BRWD3: variants seen among roughly 807,000 people sequenced by gnomAD.
BRWD3 encodes bromodomain and WD repeat-containing protein 3.
BRWD3 carries 10 observed loss-of-function variants against 149.7 expected under a neutral mutation model. The ratio of observed to expected loss-of-function variants is 0.07; its 90% CI spans 0.04 to 0.11. The LOEUF (loss-of-function observed/expected upper bound fraction) is 0.11, where lower values mean the gene tolerates loss of function less well. BRWD3 is among the 10% of genes least tolerant of loss of function. The pLI, the probability that BRWD3 is intolerant of heterozygous loss-of-function variation, is 1.00. For synonymous variants in BRWD3, 504 were observed against 456.7 expected (o/e 1.10, Z -1.32); for missense variants, 940 against 1,373.2 (o/e 0.68, Z 4.99).
chrX:80,804,790 C>G (rs1469911713), intron 4 of BRWD3, among the ~76,000 whole-genome samples: 1 of 111,681 alleles, frequency 9.0e-6, no homozygotes, highest in Non-Finnish European at 1.9e-5. Context: ...AATTATCTAC[C>G]TTAAGATGAA....
In BRWD3 at chrX:80,676,967, C is replaced by G; in HGVS notation, c.5051G>C (p.Arg1684Thr). 1 of 1,204,329 alleles carries G rather than the reference C, an allele frequency of 8.3e-7. No homozygotes were observed. Among genetic ancestry groups the G allele is most frequent in the Non-Finnish European group, 1.1e-6 (1 of 889,015 alleles). Reference sequence around the variant, plus strand: ...CCTGCCTCCTCTTCCTCTGCCTCCTCTACTCCATCTACCCCATCTTCCCCA... The same window carrying G: ...CCTGCCTCCTCTTCCTCTGCCTCCTGTACTCCATCTACCCCATCTTCCCCA... The part of the protein sequence containing the change: ...GRWGRWGRWS[R>T]GGRGRGGRGR... Residue 1684 changes from arginine to threonine, a missense_variant, in exon 41 of 41, where the codon AGA becomes ACA. Physicochemically the swap from Arg to Thr is moderately conservative, Grantham distance 71 (BLOSUM62 -1). Coordinates refer to ENST00000373275, the MANE Select transcript of BRWD3 (RefSeq NM_153252.5).
chrX:80,716,058 A>C, intron 20 of BRWD3, 99 bp downstream of exon 20: 3 of 668,916 alleles, frequency 4.5e-6, no homozygotes, highest in Non-Finnish European at 7.2e-6. Flanking sequence ...GATACCTATT[A>C]AAATAGTCTC....
intron 6 of BRWD3, among the ~76,000 whole-genome samples, chrX:80,778,272 A>G (rs1199551672): frequency 8.9e-6 from 1 of 111,918 alleles, no homozygotes; most frequent in East Asian, 2.8e-4. Context: ...TTACCAAAAT[A>G]ATGTTCAAAT....
At chrX:80,703,681 G>A in intron 23 of BRWD3, 88 bp from the exon 24 acceptor site, 1 of 633,497 alleles carries the variant, frequency 1.6e-6, no homozygotes, top group Non-Finnish European at 2.4e-6. Context: ...AAAATAGTAG[G>A]TAGAGAAGAT....
intron 23 of BRWD3, among the ~76,000 whole-genome samples, chrX:80,704,456 A>G (rs1410764150): frequency 8.9e-6 from 1 of 112,215 alleles, no homozygotes; most frequent in Non-Finnish European, 1.9e-5. Flanking sequence ...ATGATTGTGA[A>G]TATGTTTGAA....
At chrX:80,735,853 G>A in intron 9 of BRWD3, 135 bp downstream of exon 9, 3 of 354,342 alleles carry the variant, frequency 8.5e-6, no homozygotes, top group Non-Finnish European at 9.9e-6. Flanking sequence ...ACCTATTGAA[G>A]TAGGTATGGA....
Position 80,800,992 on chromosome X carries a change from G to A in BRWD3, c.181-7220C>T, listed in dbSNP as rs968391983. On this transcript the variant is annotated intron_variant, in intron 4 of 40. Transcript: ENST00000373275. ...TGAAAAGCACTATAACCTGAGGGCA[G>A]ATGAAATTAAGACAAGGACAGGGGA... Among the ~76,000 whole-genome samples, 6 of 110,293 alleles carry A rather than the reference G, an allele frequency of 5.4e-5. No homozygotes were observed. In the East Asian group the frequency reaches 1.4e-3, roughly 26 times the overall value.
At chrX:80,733,556 T>A in intron 11 of BRWD3, 60 bp from the exon 12 acceptor site, 1 of 933,360 alleles carries the variant, frequency 1.1e-6, no homozygotes, top group Non-Finnish European at 1.5e-6. Flanking sequence ...AATTAAGTGC[T>A]CTTTCTCTCA....
At chrX:80,796,420 T>C (rs1314450744) in intron 4 of BRWD3, among the ~76,000 whole-genome samples, 1 of 111,575 alleles carries the variant, frequency 9.0e-6, no homozygotes, top group Non-Finnish European at 1.9e-5. Context: ...TGAGCCACCG[T>C]GCCCAACCTA....
chrX:80,754,159 T>A (rs1399677031), intron 6 of BRWD3, among the ~76,000 whole-genome samples: 3 of 112,294 alleles, frequency 2.7e-5, no homozygotes, highest in Non-Finnish European at 3.8e-5. Context: ...GCACAGGCTA[T>A]TTTTCTACTT....
chrX:80,691,012 A>C lies in BRWD3; in HGVS notation c.3602+41T>G, dbSNP rs772532209. The stretch of plus-strand genomic sequence containing the variant: ...CTCAAAAAGGAAAGCAAAAGCCATA[A>C]AGCTATAAATTTTATAATAAGTGAT... On this transcript the variant is annotated intron_variant, in intron 31 of 40. Coordinates refer to ENST00000373275, the MANE Select transcript of BRWD3 (RefSeq NM_153252.5). 2.4e-5 allele frequency: 28 copies of C among 1,186,868 alleles called. No individual in the cohort carries two copies. The African/African-American group carries it at 5.0e-4, about 21-fold the overall frequency.
chrX:80,679,366 C>T (rs1602296122), intron 40 of BRWD3, among the ~76,000 whole-genome samples: 1 of 112,205 alleles, frequency 8.9e-6, no homozygotes, highest in African/African-American at 3.2e-5. Context: ...ATGGTTATGC[C>T]ATTAACTAAA....
At chrX:80,722,393 G>A (rs111563543) in intron 17 of BRWD3, among the ~76,000 whole-genome samples, 169 bp downstream of exon 17, 3,359 of 111,428 alleles carry the variant, frequency 0.03, 63 homozygotes, top group Non-Finnish European at 0.05. Context: ...GATAAACGAT[G>A]AAAAAGTACT....
chrX:80,800,252 CT>C lies in BRWD3; in HGVS notation c.181-6481del, dbSNP rs1398759700. Reference sequence around the variant, plus strand: ...AATATCTCCTTATTAAGAAGGGCTTCTTTTTTTTTTTTTTTTAATGAAAAAC... The same window carrying C: ...AATATCTCCTTATTAAGAAGGGCTTCTTTTTTTTTTTTTTTAATGAAAAAC... On this transcript the variant is annotated intron_variant, in intron 4 of 40. Transcript: ENST00000373275. Among the ~76,000 whole-genome samples the C allele has an allele frequency of 8.3e-3, 748 of 90,328 alleles. 2 individuals are homozygous for C. The highest frequency in any genetic ancestry group is 0.02 in the African/African-American group (493 of 25,022). 78.4% of individuals were successfully genotyped at this position (90,328 alleles called of 115,157 possible). A position where few individuals can be genotyped will look rare whatever the true frequency, so the allele number is the denominator to read the frequency against.
chrX:80,683,490 T>A (rs930685833), intron 37 of BRWD3, among the ~76,000 whole-genome samples: 1 of 111,578 alleles, frequency 9.0e-6, no homozygotes, highest in African/African-American at 3.2e-5. Context: ...AGTAGGCAAA[T>A]ATATATTTAC....
chrX:80,702,952 A>C (rs1031575299), intron 24 of BRWD3, among the ~76,000 whole-genome samples: 2 of 111,788 alleles, frequency 1.8e-5, no homozygotes, highest in African/African-American at 6.5e-5. Context: ...ATAAACTGAA[A>C]GTTTTTTACC....
At chrX:80,682,371 G>A in intron 38 of BRWD3, 94 bp downstream of exon 38, 1 of 1,009,965 alleles carries the variant, frequency 9.9e-7, no homozygotes, top group Non-Finnish European at 1.4e-6. Context: ...AAGACCTCTT[G>A]GGATCTCCCC....
chrX:80,730,438 A>AAATT (rs2073313087), intron 12 of BRWD3, among the ~76,000 whole-genome samples: 1 of 110,429 alleles, frequency 9.1e-6, no homozygotes, highest in Non-Finnish European at 1.9e-5. Flanking sequence ...AGAAAGAAAG[A>AAATT]AAGAAAGAAA....
Position 80,743,107 on chromosome X carries a change from C to G in BRWD3, c.813+925G>C, listed in dbSNP as rs945046965. On this transcript the variant is annotated intron_variant, in intron 8 of 40. Coordinates refer to ENST00000373275, the MANE Select transcript of BRWD3 (RefSeq NM_153252.5). ...TTTATTGAGAGTTTTTAGCATGAAG[C>G]GTTGTTGAATTTTGTCAAAGGCCTT... Among the ~76,000 whole-genome samples, 10 of 111,393 alleles carry G rather than the reference C, an allele frequency of 9.0e-5. No individual in the cohort carries two copies. In the South Asian group the frequency reaches 1.1e-3, roughly 13 times the overall value.
Sources: allele counts gnomAD v4.1 joint callset (sites outside exome capture counted in the v4.1 genomes callset), GRCh38; gene constraint gnomAD v4.1.1; transcripts MANE v1.5; gene names NCBI Gene and HGNC (gene_info 2026-07-23, HGNC 2026-07-21).